The following CALN1 variants were observed in gnomAD, a reference collection of about 807,000 sequenced individuals.
CALN1 encodes calneuron 1.
In CALN1, 17 loss-of-function variants were observed where a neutral mutation model predicts 30.6. That is an observed-to-expected ratio of 0.56 (90% CI 0.38 to 0.83). The LOEUF (loss-of-function observed/expected upper bound fraction) is 0.83. Among genes scored for constraint, CALN1 ranks in the 40% least tolerant of loss-of-function variants. The probability of loss-of-function intolerance (pLI) is 0.00; values close to 1 mark genes in which losing one functional copy is unlikely to be tolerated. For synonymous variants in CALN1, 156 were observed against 131.4 expected, an observed-to-expected ratio of 1.19 and a Z score of -1.28; for missense variants, 291 against 354.9, an observed-to-expected ratio of 0.82 and a Z score of 1.45.
intron 5 of CALN1, among the ~76,000 whole-genome samples, chr7:71,821,602 G>C (rs1788594363): frequency 6.6e-6 from 1 of 152,070 alleles, no homozygotes; most frequent in Non-Finnish European, 1.5e-5. Flanking sequence ...CAACATGTGG[G>C]AACTATGGGA....
chr7:72,500,906 T>C, the CALN1 span, among the ~76,000 whole-genome samples: 1 of 152,112 alleles, frequency 6.6e-6, no homozygotes, highest in Admixed American at 6.6e-5. Flanking sequence ...AATGTTTACA[T>C]AAAATCATTC....
At chr7:71,818,023 T>C (rs770010987) in intron 5 of CALN1, among the ~76,000 whole-genome samples, 3 of 152,162 alleles carry the variant, frequency 2.0e-5, no homozygotes, top group African/African-American at 7.2e-5. Flanking sequence ...TATATACTAA[T>C]CCAACAAATG....
chr7:72,004,662 T>C (rs1799680726), intron 5 of CALN1, among the ~76,000 whole-genome samples: 1 of 150,648 alleles, frequency 6.6e-6, no homozygotes. Flanking sequence ...ATACAAAATA[T>C]ATAAAGAATT....
chr7:72,168,802 A>T (rs56040543), intron 3 of CALN1, among the ~76,000 whole-genome samples: 27,822 of 112,510 alleles, frequency 0.25, 3,922 homozygotes, highest in Non-Finnish European at 0.32. Context: ...TATTATTATT[A>T]TTATTTTTTT....
chr7:71,914,161 C>T (rs942366703), intron 5 of CALN1, among the ~76,000 whole-genome samples: 1 of 152,110 alleles, frequency 6.6e-6, no homozygotes, highest in African/African-American at 2.4e-5. Flanking sequence ...AGATATTAAG[C>T]CTAGTATACA....
chr7:72,091,779 A>G (rs779376905), intron 4 of CALN1, among the ~76,000 whole-genome samples: 19 of 152,214 alleles, frequency 1.2e-4, no homozygotes, highest in Admixed American at 3.3e-4. Flanking sequence ...AATTATTGCA[A>G]TGAAGGAATG....
At chr7:72,334,521 T>C (rs1801880612) in intron 2 of CALN1, among the ~76,000 whole-genome samples, 2 of 151,270 alleles carry the variant, frequency 1.3e-5, no homozygotes, top group South Asian at 4.1e-4. Flanking sequence ...CCTCAACCTG[T>C]ACCCCCCCTC....
the CALN1 span, among the ~76,000 whole-genome samples, chr7:72,479,126 C>G: frequency 1.3e-4 from 20 of 152,220 alleles, no homozygotes; most frequent in South Asian, 4.1e-3. Context: ...GTGATCCGCC[C>G]ACCTCAACCT....
intron 3 of CALN1, among the ~76,000 whole-genome samples, chr7:72,234,444 G>GTTTTGTTT (rs761381009): frequency 2.0e-5 from 3 of 151,896 alleles, no homozygotes; most frequent in Admixed American, 1.3e-4. Flanking sequence ...TTTTTGTTTT[G>GTTTTGTTT]TTTTGTTTTT....
chr7:71,959,650 G>T (rs1797139493), intron 5 of CALN1, among the ~76,000 whole-genome samples: 1 of 150,642 alleles, frequency 6.6e-6, no homozygotes, highest in African/African-American at 2.4e-5. Context: ...TGGGGGAAGG[G>T]TATGTGTGGT....
At chr7:72,278,878 A>G in intron 2 of CALN1, 68 bp from the exon 3 acceptor site, 1 of 1,562,526 alleles carries the variant, frequency 6.4e-7, no homozygotes, top group Non-Finnish European at 8.7e-7. Context: ...TCCTTTCTTA[A>G]AGGACCATCT....
intron 3 of CALN1, among the ~76,000 whole-genome samples, chr7:72,193,890 G>C (rs184870849): frequency 5.3e-5 from 8 of 151,968 alleles, no homozygotes; most frequent in African/African-American, 1.2e-4. Context: ...CTTCTCACTC[G>C]TAAGTGAAAG....
chr7:71,932,893 C>T (rs1349923115), intron 5 of CALN1, among the ~76,000 whole-genome samples: 2 of 151,856 alleles, frequency 1.3e-5, no homozygotes, highest in Non-Finnish European at 2.9e-5. Context: ...TACGCTTCTC[C>T]CCATTCATAA....
At chr7:72,364,293 A>G (rs1014874430) in intron 2 of CALN1, among the ~76,000 whole-genome samples, 3 of 4,816 alleles carry the variant, frequency 6.2e-4, no homozygotes, top group African/African-American at 7.0e-4. Flanking sequence ...AACAATTCTA[A>G]AACTTGTAAG....
At chr7:72,233,329 C>T (rs1440498304) in intron 3 of CALN1, among the ~76,000 whole-genome samples, 2 of 151,754 alleles carry the variant, frequency 1.3e-5, no homozygotes, top group Admixed American at 1.3e-4. Flanking sequence ...AAGACGGTCT[C>T]GGGGAGTTGC....
intron 2 of CALN1, among the ~76,000 whole-genome samples, chr7:72,366,812 C>T (rs1803903326): frequency 7.3e-6 from 1 of 136,362 alleles, no homozygotes; most frequent in Admixed American, 7.9e-5. Flanking sequence ...CAGTTTCTTT[C>T]TCAGGGATAT....
At chr7:71,944,508 C>T (rs1015819340) in intron 5 of CALN1, among the ~76,000 whole-genome samples, 35 of 143,572 alleles carry the variant, frequency 2.4e-4, no homozygotes, top group African/African-American at 8.3e-4. Flanking sequence ...GCAGGAGAAT[C>T]GCTTGAACCT....
At chr7:72,176,503 T>A (rs1789367884) in intron 3 of CALN1, among the ~76,000 whole-genome samples, 1 of 152,088 alleles carries the variant, frequency 6.6e-6, no homozygotes, top group Admixed American at 6.6e-5. Flanking sequence ...GATCTGGTTA[T>A]TAAAAAGTCT....
At chr7:72,074,862 C>A (rs1320448719) in intron 4 of CALN1, among the ~76,000 whole-genome samples, 2 of 152,136 alleles carry the variant, frequency 1.3e-5, no homozygotes, top group Non-Finnish European at 1.5e-5. Context: ...ACCTGGGGAA[C>A]CAAACATAAA....
Sources: gnomAD v4.1 joint callset for allele counts (sites outside exome capture counted in the v4.1 genomes callset) on GRCh38, gnomAD v4.1.1 for gene constraint, MANE v1.5 for transcripts, NCBI Gene and HGNC (gene_info 2026-07-23, HGNC 2026-07-21) for gene names.